B3GALNT1: variants seen among roughly 807,000 people sequenced by gnomAD.
B3GALNT1 encodes beta-1,3-N-acetylgalactosaminyltransferase 1 (Globoside blood group).
A neutral mutation model predicts 27.3 loss-of-function variants in B3GALNT1; 17 were observed. The ratio of observed to expected loss-of-function variants is 0.62; its 90% CI spans 0.43 to 0.94. The LOEUF is 0.94. Ranked by LOEUF, B3GALNT1 falls within the 40% of genes least tolerant of loss-of-function variation. The pLI is 0.00. For synonymous variants in B3GALNT1, 141 were observed against 144.0 expected, an observed-to-expected ratio of 0.98 and a Z score of 0.15; for missense variants, 347 against 390.0, an observed-to-expected ratio of 0.89 and a Z score of 0.93.
chr3:161,101,301 C>T (rs890006512), intron 3 of B3GALNT1, 68 bp from the exon 4 acceptor site: 2 of 989,502 alleles, frequency 2.0e-6, no homozygotes, highest in African/African-American at 1.7e-5. Context: ...GCTGGGCTTT[C>T]TGTGTCTGTT....
chr3:161,091,106 A>G (rs1189249054), intron 4 of B3GALNT1, among the ~76,000 whole-genome samples: 2 of 152,000 alleles, frequency 1.3e-5, no homozygotes, highest in Non-Finnish European at 2.9e-5. Context: ...TGTCTCTACA[A>G]AAGAATAATA....
At position 161,085,672 on chromosome 3, in the gene B3GALNT1, C is replaced by G. The variant is rs1333202031; in HGVS notation, c.*87G>C. ...GTTCAGTGTAAGCCAGCACACTGAC[C>G]TCCCCATGAATTTTCCACAGTACCT... On this transcript the variant is annotated 3_prime_UTR_variant, in exon 5 of 5. Coordinates refer to ENST00000320474, the MANE Select transcript of B3GALNT1 (RefSeq NM_003781.4). The G allele has an allele frequency of 2.1e-5, 31 of 1,455,110 alleles. No homozygotes were observed. Among genetic ancestry groups the G allele is most frequent in the Non-Finnish European group, 3.0e-5 (31 of 1,037,780 alleles). 90.1% of individuals were successfully genotyped at this position (1,455,110 alleles called of 1,614,324 possible). A position where few individuals can be genotyped will look rare whatever the true frequency, so the allele number is the denominator to read the frequency against.
intron 3 of B3GALNT1, among the ~76,000 whole-genome samples, chr3:161,102,351 T>C (rs558147934): frequency 6.6e-5 from 10 of 152,120 alleles, no homozygotes; most frequent in Non-Finnish European, 1.0e-4. Flanking sequence ...ATTCAAGGAG[T>C]GCAGGTTATC....
intron 2 of B3GALNT1, 107 bp downstream of exon 2, chr3:161,104,212 A>G (rs968680674): frequency 1.2e-5 from 10 of 804,148 alleles, no homozygotes; most frequent in Non-Finnish European, 3.5e-6. Flanking sequence ...GCATCGACAC[A>G]TGCATACTAA....
chr3:161,100,667 T>C (rs1560009855), intron 4 of B3GALNT1, among the ~76,000 whole-genome samples: 1 of 152,240 alleles, frequency 6.6e-6, no homozygotes, highest in Non-Finnish European at 1.5e-5. Flanking sequence ...TAGGGATTTC[T>C]GGGTTTGGGC....
chr3:161,103,368 T>C (rs1732436772), intron 3 of B3GALNT1, 59 bp downstream of exon 3: 1 of 795,976 alleles, frequency 1.3e-6, no homozygotes, highest in Admixed American at 2.6e-5. Context: ...TAAAGGGCAT[T>C]ATTATGGGCA....
At chr3:161,097,129 G>A (rs1003099028) in intron 4 of B3GALNT1, among the ~76,000 whole-genome samples, 1 of 152,212 alleles carries the variant, frequency 6.6e-6, no homozygotes, top group East Asian at 1.9e-4. Flanking sequence ...TGGACATACT[G>A]AAGTTTGAGA....
chr3:161,104,234 C>A lies in B3GALNT1; in HGVS notation c.-221+85G>T. On this transcript the variant is annotated intron_variant, in intron 2 of 4. Transcript: ENST00000320474. Reference sequence around the variant, plus strand: ...CACATGCATACTAAGAGCACAAATTCAGCGCCCTTCTTTTGCTTAAGCCTC... The same window carrying A: ...CACATGCATACTAAGAGCACAAATTAAGCGCCCTTCTTTTGCTTAAGCCTC... The A allele has an allele frequency of 2.8e-6, 3 of 1,079,124 alleles. No homozygotes were observed. In the South Asian group the frequency reaches 4.1e-5, roughly 15 times the overall value. 66.8% of individuals were successfully genotyped at this position (1,079,124 alleles called of 1,614,324 possible).
chr3:161,095,641 G>C (rs535165714), intron 4 of B3GALNT1, among the ~76,000 whole-genome samples: 18 of 152,314 alleles, frequency 1.2e-4, no homozygotes, highest in African/African-American at 4.1e-4. Context: ...CTTGAAGGCG[G>C]GAAGTGGGGA....
At chr3:161,089,607 A>G (rs1024266475) in intron 4 of B3GALNT1, among the ~76,000 whole-genome samples, 1 of 152,232 alleles carries the variant, frequency 6.6e-6, no homozygotes, top group African/African-American at 2.4e-5. Flanking sequence ...TTGATTGAGA[A>G]ATAGAAGACA....
chr3:161,091,587 C>G (rs889551178), intron 4 of B3GALNT1, among the ~76,000 whole-genome samples: 2 of 152,222 alleles, frequency 1.3e-5, no homozygotes, highest in African/African-American at 4.8e-5. Context: ...ACCAGATTCA[C>G]TGTCATGGTA....
rs1358214769 is a variant in B3GALNT1, at chr3:161,084,881, CTT to C, written c.*876_*877del. On this transcript the variant is annotated 3_prime_UTR_variant, in exon 5 of 5. Transcript: ENST00000320474. ...GTCCTTTCCAAAAGGAAATTACTGCCTTGCATTCTACATTATTCCTAATTTCC... is the reference window on the plus strand; with the variant it reads ...GTCCTTTCCAAAAGGAAATTACTGCCGCATTCTACATTATTCCTAATTTCC... 1 of 152,174 alleles carries C rather than the reference CTT, an allele frequency of 6.6e-6. No individual in the cohort carries two copies. Among genetic ancestry groups the C allele is most frequent in the Non-Finnish European group, 1.5e-5 (1 of 68,030 alleles). 9.4% of individuals were successfully genotyped at this position (152,174 alleles called of 1,614,324 possible).
intron 4 of B3GALNT1, among the ~76,000 whole-genome samples, chr3:161,098,657 T>C (rs1462919830): frequency 3.3e-5 from 5 of 152,222 alleles, no homozygotes; most frequent in East Asian, 1.9e-4. Flanking sequence ...CCAATTTCCA[T>C]GCAAATCATG....
intron 2 of B3GALNT1, chr3:161,104,114 G>A (rs1424815451): frequency 6.4e-6 from 2 of 311,102 alleles, no homozygotes; most frequent in Non-Finnish European, 6.2e-6. Context: ...GTCTATGAGG[G>A]GAAAAAAGTC....
At chr3:161,090,180 C>CAAAAAGAT (rs1455700297) in intron 4 of B3GALNT1, 1 of 154,082 alleles carries the variant, frequency 6.5e-6, no homozygotes, top group Non-Finnish European at 1.5e-5. Flanking sequence ...AGAAACCATC[C>CAAAAAGAT]AAAAAGATAA....
Position 161,103,364 on chromosome 3 carries a change from G to A in B3GALNT1, c.-130+63C>T, listed in dbSNP as rs919976854. The A allele has an allele frequency of 8.5e-5, 60 of 705,642 alleles. No homozygotes were observed. In the African/African-American group the frequency reaches 1.1e-3, roughly 13 times the overall value. 43.7% of individuals were successfully genotyped at this position (705,642 alleles called of 1,614,324 possible). On this transcript the variant is annotated intron_variant, in intron 3 of 4. Coordinates refer to ENST00000320474, the MANE Select transcript of B3GALNT1 (RefSeq NM_003781.4). Reference sequence around the variant, plus strand: ...AACGATACTTAAAACCTTGTAAAGGGCATTATTATGGGCATTTTTAACCAA... The same window carrying A: ...AACGATACTTAAAACCTTGTAAAGGACATTATTATGGGCATTTTTAACCAA...
rs966385708 is a variant in B3GALNT1, at chr3:161,084,198, TGTCTTAAAGAAC to T, written c.*1549_*1560del. 28 of 152,208 alleles carry T rather than the reference TGTCTTAAAGAAC, an allele frequency of 1.8e-4. No homozygotes were observed. Among genetic ancestry groups the T allele is most frequent in the Admixed American group, 1.3e-3 (20 of 15,282 alleles). The allele number at this position is 152,208 out of a possible 1,614,324, so 9.4% of individuals were successfully genotyped here. ...TGCCACAAAAATAACTACCACCATCTGTCTTAAAGAACGTGACTCCTATATGGATGGAGATTA... is the reference window on the plus strand; with the variant it reads ...TGCCACAAAAATAACTACCACCATCTGTGACTCCTATATGGATGGAGATTA... On this transcript the variant is annotated 3_prime_UTR_variant, in exon 5 of 5. Transcript: ENST00000320474.
Position 161,086,516 on chromosome 3 carries a change from AGAAATGGATTTTGAT to A in B3GALNT1, c.224_238del (p.His75_Phe79del). On this transcript the variant is annotated inframe_deletion, in exon 5 of 5. Transcript: ENST00000320474. ...AGGGTGGGAGGTCACCAGAATGACC[AGAAATGGATTTTGAT>A]GAGAGCAGTTTGAATGCTCTCGAAG... The A allele has an allele frequency of 6.2e-7, 1 of 1,614,214 alleles. No homozygotes were observed. Among genetic ancestry groups the A allele is most frequent in the South Asian group, 1.1e-5 (1 of 91,082 alleles).
intron 4 of B3GALNT1, among the ~76,000 whole-genome samples, chr3:161,096,596 A>G (rs1345184112): frequency 6.6e-6 from 1 of 152,220 alleles, no homozygotes; most frequent in Non-Finnish European, 1.5e-5. Flanking sequence ...TCTTTGAGGG[A>G]AATTCCCCCA....
Sources: allele counts gnomAD v4.1 joint callset (sites outside exome capture counted in the v4.1 genomes callset), GRCh38; gene constraint gnomAD v4.1.1; transcripts MANE v1.5; gene names NCBI Gene and HGNC (gene_info 2026-07-23, HGNC 2026-07-21).